Variants in IGSF22 observed in about 807,000 individuals in gnomAD.
The protein encoded by IGSF22 is immunoglobulin superfamily member 22.
Under a neutral mutation model 127.0 loss-of-function variants are expected in IGSF22, and 119 were observed. The observed-to-expected ratio is 0.94, with a 90% CI of 0.81 to 1.09. IGSF22 has a LOEUF of 1.09. Among genes scored for constraint, IGSF22 ranks in the 50% least tolerant of loss-of-function variants. The pLI is 0.00. For synonymous variants in IGSF22, 568 were observed against 664.7 expected (o/e 0.85, Z 2.24); for missense variants, 1,518 against 1,716.6 (o/e 0.88, Z 2.04).
chr11:18,718,104 G>A lies in IGSF22; in HGVS notation c.811-11C>T. 2 of 1,612,042 alleles carry A rather than the reference G, an allele frequency of 1.2e-6. No individual in the cohort carries two copies. Among genetic ancestry groups the A allele is most frequent in the Non-Finnish European group, 1.7e-6 (2 of 1,178,646 alleles). ...CAGTGGCTCAGTACCCTGCCTCATG[G>A]AACAGGTAGGAAAGCTGATGAAGGG... On this transcript the variant is annotated splice_polypyrimidine_tract_variant and intron_variant, in intron 8 of 22. Coordinates refer to ENST00000513874, the MANE Select transcript of IGSF22 (RefSeq NM_173588.4).
At position 18,719,884 on chromosome 11, in the gene IGSF22, AG is replaced by A. The variant is rs1477041924; in HGVS notation, c.527del (p.Pro176LeufsTer50). 1 of 1,614,088 alleles carries A rather than the reference AG, an allele frequency of 6.2e-7. No homozygotes were observed. Among genetic ancestry groups the A allele is most frequent in the South Asian group, 1.1e-5 (1 of 91,078 alleles). On this transcript the variant is annotated frameshift_variant, in exon 7 of 23. Transcript: ENST00000513874. LOFTEE classifies it high-confidence loss of function. ...CCTTCTTCTGCTTCTTCTTGGGAGC[AG>A]GGGGTGCCCTAGGAGAAGGAGGAAG... ...FKKMLKKRAP[P>X]APKKKQKKVA...
chr11:18,718,514 C>G, intron 8 of IGSF22, 101 bp downstream of exon 8: 1 of 802,844 alleles, frequency 1.2e-6, no homozygotes, highest in Non-Finnish European at 2.3e-6. Context: ...GAGGCATCCT[C>G]TTGATGGGAT....
rs745957155 is a variant in IGSF22, at chr11:18,718,083, G to A, written c.821C>T (p.Pro274Leu). The A allele has an allele frequency of 1.9e-6, 3 of 1,613,956 alleles. No individual in the cohort carries two copies. Among genetic ancestry groups the A allele is most frequent in the Non-Finnish European group, 8.5e-7 (1 of 1,179,874 alleles). Reference sequence around the variant, plus strand: ...GCCCAGGGAGTACTGGATCCTCAGTGGCTCAGTACCCTGCCTCATGGAACA... The same window carrying A: ...GCCCAGGGAGTACTGGATCCTCAGTAGCTCAGTACCCTGCCTCATGGAACA... ...VKMIWIKGTE[P>L]LRIQYSLGKY... The change falls in exon 9 of 23, where the codon CCA becomes CTA. Residue 274 changes from proline (P) to leucine (L), a missense_variant. Transcript: ENST00000513874.
At chr11:18,705,667 G>A (rs561137716) in intron 22 of IGSF22, 150 bp downstream of exon 22, 1 of 667,094 alleles carries the variant, frequency 1.5e-6, no homozygotes, top group African/African-American at 1.8e-5. Flanking sequence ...TGGGAGAGTG[G>A]TAAGAACTGT....
chr11:18,712,578 T>C (rs1848378300), intron 14 of IGSF22, among the ~76,000 whole-genome samples, 194 bp from the exon 15 acceptor site: 1 of 152,214 alleles, frequency 6.6e-6, no homozygotes, highest in Admixed American at 6.5e-5. Context: ...CCCCGTGAGT[T>C]TCCCATCTGC....
chr11:18,724,090 G>T, intron 2 of IGSF22, 38 bp downstream of exon 2: 1 of 1,519,400 alleles, frequency 6.6e-7, no homozygotes, highest in Non-Finnish European at 9.1e-7. Context: ...AAGAATAGCT[G>T]CCCTTCCCGA....
intron 7 of IGSF22, 145 bp downstream of exon 7, chr11:18,719,571 G>T: frequency 1.3e-6 from 1 of 756,064 alleles, no homozygotes; most frequent in Non-Finnish European, 2.1e-6. Flanking sequence ...GTGCTCCCTT[G>T]CTGCTTTCAC....
chr11:18,717,892 A>T (rs747579627), intron 9 of IGSF22, 39 bp downstream of exon 9: 16 of 1,601,016 alleles, frequency 1.0e-5, no homozygotes, highest in African/African-American at 1.3e-5. Context: ...TTCCAACCCG[A>T]CATGTCCTCC....
Position 18,712,091 on chromosome 11 carries a change from T to C in IGSF22, c.2389A>G (p.Asn797Asp). 1.9e-6 allele frequency: 3 copies of C among 1,550,166 alleles called. No individual in the cohort carries two copies. Among genetic ancestry groups the C allele is most frequent in the Non-Finnish European group, 1.7e-6 (2 of 1,145,752 alleles). ...PLETEEVFAGNPIEPPGFASQ... is the reference protein window; with the variant it reads ...PLETEEVFAGDPIEPPGFASQ... ...AGGCTATCTCACTGACCTATGGGATTTCCTGCAAACACTTCTTCTGTCTCC... is the reference window on the plus strand; with the variant it reads ...AGGCTATCTCACTGACCTATGGGATCTCCTGCAAACACTTCTTCTGTCTCC... The change falls in exon 15 of 23, where the codon AAT becomes GAT. Residue 797 changes from asparagine to aspartate, a missense_variant. Asn to Asp is a conservative substitution (Grantham distance 23, BLOSUM62 1). Transcript: ENST00000513874.
intron 7 of IGSF22, among the ~76,000 whole-genome samples, chr11:18,719,076 A>G (rs1204959830): frequency 2.0e-5 from 3 of 152,256 alleles, no homozygotes; most frequent in Admixed American, 1.3e-4. Flanking sequence ...TTCATTTTGT[A>G]GATGAGGAAA....
chr11:18,712,328 C>G lies in IGSF22; in HGVS notation c.2152G>C (p.Val718Leu). The change falls in exon 15 of 23, where the codon GTG becomes CTG. Residue 718 changes from valine (V) to leucine (L), a missense_variant. Physicochemically the swap from Val to Leu is conservative, Grantham distance 32 (BLOSUM62 1). Around this residue, in one of 3 missense-constraint regions of IGSF22, gnomAD observed 1,456 missense variants for 1,644.9 expected, o/e 0.89. Coordinates refer to ENST00000513874, the MANE Select transcript of IGSF22 (RefSeq NM_173588.4). ...VEFLELSGSC[V>L]HMKWKAPKDN... ...TTTGGGGCCTTCCACTTCATGTGCA[C>G]ACAACTACCTGAGAGCTCCAGGAAC... The G allele has an allele frequency of 1.3e-6, 2 of 1,551,712 alleles. No homozygotes were observed. The highest frequency in any genetic ancestry group is 1.7e-6 in the Non-Finnish European group (2 of 1,146,986).
At chr11:18,715,337 T>C (rs1471903575) in intron 11 of IGSF22, 95 bp downstream of exon 11, 7 of 1,299,864 alleles carry the variant, frequency 5.4e-6, no homozygotes, top group African/African-American at 1.5e-5. Flanking sequence ...TACAGGAGGG[T>C]TGGAGTTAGT....
At chr11:18,722,213 T>C (rs933428388) in intron 2 of IGSF22, among the ~76,000 whole-genome samples, 172 bp from the exon 3 acceptor site, 5 of 152,264 alleles carry the variant, frequency 3.3e-5, no homozygotes, top group East Asian at 1.9e-4. Flanking sequence ...TGGGCCATTG[T>C]GTTATGGCAA....
chr11:18,705,502 T>G, intron 22 of IGSF22: 1 of 367,528 alleles, frequency 2.7e-6, no homozygotes, highest in Non-Finnish European at 5.0e-6. Context: ...GCCAGAGAGA[T>G]CGTGATTGGT....
Position 18,714,592 on chromosome 11 carries a change from C to G in IGSF22, c.1564G>C (p.Asp522His), listed in dbSNP as rs200364605. 2.0e-4 allele frequency: 320 copies of G among 1,614,064 alleles called. 1 individual carries two copies. The highest frequency in any genetic ancestry group is 2.4e-4 in the Non-Finnish European group (288 of 1,180,062). Residue 522 changes from aspartate (D) to histidine (H), a missense_variant, in exon 12 of 23, where the codon GAC becomes CAC. Around this residue, in one of 3 missense-constraint regions of IGSF22, gnomAD observed 1,456 missense variants for 1,644.9 expected, o/e 0.89. Transcript: ENST00000513874. ...GGGCTCCCAGTGGCCGCGTGCACGT[C>G]GGACATCCCGCTCTTCACTGTGGCC... ...RLATVKSGMSDVHAATGSPAE... is the reference protein window; with the variant it reads ...RLATVKSGMSHVHAATGSPAE...
rs778066554 is a variant in IGSF22 at position 18,710,478 on chromosome 11, C to T, written c.2573-23G>A. ...TGCCTGAAATGGGAAGATGAGGGGT[C>T]GTGAGGCCAGAGGCATCCATGGGGT... On this transcript the variant is annotated intron_variant, in intron 16 of 22. Coordinates refer to ENST00000513874, the MANE Select transcript of IGSF22 (RefSeq NM_173588.4). 14 of 1,613,202 alleles carry T rather than the reference C, an allele frequency of 8.7e-6. No homozygotes were observed. The East Asian group carries it at 1.1e-4, about 13-fold the overall frequency.
At chr11:18,708,573 C>T (rs905186409) in intron 18 of IGSF22, among the ~76,000 whole-genome samples, 4 of 152,282 alleles carry the variant, frequency 2.6e-5, no homozygotes, top group Middle Eastern at 3.4e-3. Flanking sequence ...ATTATAACAG[C>T]GAGAAAATTA....
intron 1 of IGSF22, 124 bp from the exon 2 acceptor site, chr11:18,724,393 C>G (rs1371774014): frequency 1.8e-5 from 10 of 542,202 alleles, no homozygotes; most frequent in Non-Finnish European, 3.3e-5. Flanking sequence ...GGAGAGCAGT[C>G]GAGCTCTCTT....
chr11:18,721,423 C>G, intron 4 of IGSF22, 112 bp downstream of exon 4: 3 of 1,431,520 alleles, frequency 2.1e-6, no homozygotes, highest in Non-Finnish European at 2.9e-6. Context: ...TTCCCACTGC[C>G]CGGCTCTCGG....
Sources: allele counts gnomAD v4.1 joint callset (sites outside exome capture counted in the v4.1 genomes callset), GRCh38; gene constraint gnomAD v4.1.1; regional missense constraint gnomAD v4.1.1; transcripts MANE v1.5; gene names NCBI Gene and HGNC (gene_info 2026-07-23, HGNC 2026-07-21).